The following ATP2A2 variants were observed in gnomAD, a reference collection of about 807,000 sequenced individuals.
The protein encoded by ATP2A2 is ATPase sarcoplasmic/endoplasmic reticulum Ca2+ transporting 2.
ATP2A2 carries 14 observed loss-of-function variants against 109.3 expected under a neutral mutation model. That is an observed-to-expected ratio of 0.13 (90% CI 0.08 to 0.20). The LOEUF (loss-of-function observed/expected upper bound fraction) is 0.20, where lower values mean the gene tolerates loss of function less well. Among genes scored for constraint, ATP2A2 ranks in the 10% least tolerant of loss-of-function variants. ATP2A2 has a pLI of 1.00. For missense variants in ATP2A2, 657 were observed against 1,321.6 expected (o/e 0.50, Z 7.80); for synonymous variants, 506 against 490.9 (o/e 1.03, Z -0.41).
At chr12:110,289,844 G>T (rs1368450564) in intron 3 of ATP2A2, among the ~76,000 whole-genome samples, 1 of 152,086 alleles carries the variant, frequency 6.6e-6, no homozygotes, top group South Asian at 2.1e-4. Context: ...TAACCACATA[G>T]ACCACTCTTT....
intron 5 of ATP2A2, among the ~76,000 whole-genome samples, chr12:110,305,517 C>G (rs892059315): frequency 6.6e-6 from 1 of 152,224 alleles, no homozygotes; most frequent in African/African-American, 2.4e-5. Flanking sequence ...AAGATTTCTT[C>G]ACTAATTTGT....
At chr12:110,326,312 G>T in intron 6 of ATP2A2, 78 bp from the exon 7 acceptor site, 1 of 1,293,734 alleles carries the variant, frequency 7.7e-7, no homozygotes, top group East Asian at 2.4e-5. Flanking sequence ...AGTGGTAATG[G>T]GTGGGCATGA....
chr12:110,282,640 T>G lies in ATP2A2; in HGVS notation c.136+19T>G. 6.2e-7 allele frequency: 1 copy of G among 1,614,060 alleles called. No individual in the cohort carries two copies. Among genetic ancestry groups the G allele is most frequent in the Non-Finnish European group, 8.5e-7 (1 of 1,179,938 alleles). On this transcript the variant is annotated intron_variant, in intron 2 of 19. Coordinates refer to ENST00000539276, the MANE Select transcript of ATP2A2 (RefSeq NM_170665.4). ...GAAGAAGGTAATCTTAACATGCTGT[T>G]TCTGTTTTTTTTCCTCTGTTGGTGT...
intron 5 of ATP2A2, among the ~76,000 whole-genome samples, chr12:110,297,606 G>A (rs767352359): frequency 2.0e-5 from 3 of 151,594 alleles, no homozygotes; most frequent in Non-Finnish European, 2.9e-5. Flanking sequence ...GATTAGTGCT[G>A]TTTTTTTGTT....
Position 110,323,059 on chromosome 12 carries a change from G to A in ATP2A2, c.531G>A (p.Gln177=), listed in dbSNP as rs764213757. Residue 177 remains glutamine (Q), a synonymous_variant, in exon 6 of 20, where the codon CAG becomes CAA. Transcript: ENST00000539276. ...AATCTACCACACTAAGAGTTGACCA[G>A]TCAATTCTCACAGGTAAATATGATA... ...SIKSTTLRVD[Q]SILTGESVSV... 3 of 1,608,190 alleles carry A rather than the reference G, an allele frequency of 1.9e-6. No individual in the cohort carries two copies. The highest frequency in any genetic ancestry group is 2.2e-5 in the East Asian group (1 of 44,840).
intron 3 of ATP2A2, among the ~76,000 whole-genome samples, chr12:110,289,373 C>T (rs1873017947): frequency 6.6e-6 from 1 of 152,170 alleles, no homozygotes; most frequent in Non-Finnish European, 1.5e-5. Flanking sequence ...CTGCATCTAT[C>T]AAAATTTATA....
chr12:110,350,448 T>G lies in ATP2A2; in HGVS notation c.*3978T>G, dbSNP rs1434738774. Reference sequence around the variant, plus strand: ...AAACTTCCCAACTCACTTTGTGTTATGTGGAGGAAATGTGTATTACCAATG... The same window carrying G: ...AAACTTCCCAACTCACTTTGTGTTAGGTGGAGGAAATGTGTATTACCAATG... On this transcript the variant is annotated 3_prime_UTR_variant, in exon 20 of 20. Transcript: ENST00000539276. 1 of 1,352,794 alleles carries G rather than the reference T, an allele frequency of 7.4e-7. No homozygotes were observed. The highest frequency in any genetic ancestry group is 1.2e-5 in the South Asian group (1 of 82,690). The allele number at this position is 1,352,794 out of a possible 1,614,324, so 83.8% of individuals were successfully genotyped here. A position where few individuals can be genotyped will look rare whatever the true frequency, so the allele number is the denominator to read the frequency against.
intron 3 of ATP2A2, among the ~76,000 whole-genome samples, chr12:110,285,669 A>G (rs1872581375): frequency 6.6e-6 from 1 of 152,178 alleles, no homozygotes; most frequent in Non-Finnish European, 1.5e-5. Context: ...AAAAGATCTG[A>G]AGGAGGTGGG....
chr12:110,339,792 CA>C lies in ATP2A2; in HGVS notation c.1761+75del. Reference sequence around the variant, plus strand: ...TGTGTTTAAACAGTACTCCTTCAAGCAAAAGGTCAAACAGTTCTCACTTTTG... The same window carrying C: ...TGTGTTTAAACAGTACTCCTTCAAGCAAAGGTCAAACAGTTCTCACTTTTG... On this transcript the variant is annotated intron_variant, in intron 13 of 19. Transcript: ENST00000539276. The surrounding 1 kb of genome is among the most constrained non-coding windows in gnomAD (Gnocchi z 4.4). 2.0e-6 allele frequency: 3 copies of C among 1,492,030 alleles called. No individual in the cohort carries two copies. Among genetic ancestry groups the C allele is most frequent in the African/African-American group, 1.4e-5 (1 of 72,602 alleles). 92.4% of individuals were successfully genotyped at this position (1,492,030 alleles called of 1,614,324 possible).
intron 11 of ATP2A2, among the ~76,000 whole-genome samples, chr12:110,338,725 A>G (rs1438407815): frequency 2.6e-5 from 4 of 152,186 alleles, no homozygotes; most frequent in Non-Finnish European, 4.4e-5. Flanking sequence ...ATTCTTGACA[A>G]CTGGAGCTTG....
In ATP2A2 at chr12:110,327,837, A is replaced by G; in HGVS notation, c.915A>G (p.Ala305=). 1.2e-6 allele frequency: 2 copies of G among 1,614,198 alleles called. No homozygotes were observed. The highest frequency in any genetic ancestry group is 1.3e-5 in the African/African-American group (1 of 75,048). The stretch of plus-strand genomic sequence containing the variant: ...AAATTGCAGTGGCCCTGGCTGTAGC[A>G]GCCATTCCTGAAGGTCTGCCTGCAG... The part of the protein sequence containing the change: ...YFKIAVALAV[A]AIPEGLPAVI... The change falls in exon 8 of 20, where the codon GCA becomes GCG. Residue 305 remains alanine, a synonymous_variant. Transcript: ENST00000539276. The surrounding 1 kb of genome is among the most constrained non-coding windows in gnomAD (Gnocchi z 4.4).
At position 110,330,551 on chromosome 12, in the gene ATP2A2, AG is replaced by A. The variant is rs1464598502; in HGVS notation, c.1096-2045del. ...CCTGAAAGCTTTAATTCCTCAGAATAGTCTTTATGTCTGTGAAAGTAAGCCA... is the reference window on the plus strand; with the variant it reads ...CCTGAAAGCTTTAATTCCTCAGAATATCTTTATGTCTGTGAAAGTAAGCCA... On this transcript the variant is annotated intron_variant, in intron 8 of 19. Coordinates refer to ENST00000539276, the MANE Select transcript of ATP2A2 (RefSeq NM_170665.4). 2.0e-5 allele frequency: 3 copies of A among 152,234 alleles called. No individual in the cohort carries two copies. In the East Asian group the frequency reaches 5.8e-4, roughly 29 times the overall value. 9.4% of individuals were successfully genotyped at this position (152,234 alleles called of 1,614,324 possible).
At chr12:110,326,835 T>G (rs1592844605) in intron 7 of ATP2A2, among the ~76,000 whole-genome samples, 1 of 152,078 alleles carries the variant, frequency 6.6e-6, no homozygotes. Context: ...GGTGCGTGTT[T>G]AGAGAGAGAG....
rs985703864 is a variant in ATP2A2, at chr12:110,348,081, A to G, written c.*1611A>G. ...GAGTGGGGAGAGAGGCATTTCAGCC[A>G]GACCAACAGGCTGAAGGAGCTGTGC... On this transcript the variant is annotated 3_prime_UTR_variant, in exon 20 of 20. Transcript: ENST00000539276. 2.0e-6 allele frequency: 2 copies of G among 986,312 alleles called. No individual in the cohort carries two copies. The highest frequency in any genetic ancestry group is 1.7e-5 in the African/African-American group (1 of 57,264). 61.1% of individuals were successfully genotyped at this position (986,312 alleles called of 1,614,324 possible).
intron 6 of ATP2A2, chr12:110,326,164 T>A (rs187040390): frequency 7.2e-6 from 4 of 556,958 alleles, no homozygotes. Flanking sequence ...TTCACTTTTT[T>A]ATTTTGGAAT....
intron 11 of ATP2A2, among the ~76,000 whole-genome samples, chr12:110,338,024 C>T (rs779321667): frequency 5.3e-5 from 8 of 152,172 alleles, no homozygotes; most frequent in Non-Finnish European, 1.0e-4. Flanking sequence ...TGCTGTCACT[C>T]GCTCCCTCTT....
intron 6 of ATP2A2, among the ~76,000 whole-genome samples, chr12:110,325,218 T>A (rs1191820246): frequency 6.6e-6 from 1 of 152,228 alleles, no homozygotes; most frequent in African/African-American, 2.4e-5. Flanking sequence ...TTTGGCTAAC[T>A]TGTGGAACCA....
upstream of ATP2A2, chr12:110,281,236 C>G (rs1456307776): frequency 4.0e-5 from 6 of 151,070 alleles, no homozygotes; most frequent in Non-Finnish European, 8.9e-5. Flanking sequence ...AGGCAGCGGC[C>G]GATAAATGCT....
At chr12:110,297,947 A>C (rs1204869521) in intron 5 of ATP2A2, among the ~76,000 whole-genome samples, 1 of 152,112 alleles carries the variant, frequency 6.6e-6, no homozygotes. Flanking sequence ...CCCTGGGACC[A>C]ACCAGGATAG....
Sources: allele counts gnomAD v4.1 joint callset (sites outside exome capture counted in the v4.1 genomes callset), GRCh38; gene constraint gnomAD v4.1.1; non-coding constraint Gnocchi (gnomAD v3.1); transcripts MANE v1.5; gene names NCBI Gene and HGNC (gene_info 2026-07-23, HGNC 2026-07-21).